OR1J2: variants seen among roughly 807,000 people sequenced by gnomAD.
OR1J2 encodes olfactory receptor 1J2.
For missense variants in OR1J2, 304 were observed against 246.1 expected (o/e 1.24, Z -1.57); for synonymous variants, 142 against 99.7 (o/e 1.42, Z -2.52).
the OR1J2 span, among the ~76,000 whole-genome samples, chr9:122,500,166 TG>T: frequency 6.6e-6 from 1 of 152,238 alleles, no homozygotes. Context: ...GGCATCCTGC[TG>T]TCAGTCCTGG....
the OR1J2 span, among the ~76,000 whole-genome samples, chr9:122,565,560 G>A: frequency 6.6e-5 from 10 of 152,282 alleles, no homozygotes; most frequent in African/African-American, 2.2e-4. Context: ...AGAGACCAAC[G>A]CTGAGCCCCC....
the OR1J2 span, among the ~76,000 whole-genome samples, chr9:122,529,784 G>A: frequency 1.5e-3 from 221 of 152,092 alleles, 1 homozygote; most frequent in African/African-American, 5.1e-3. Flanking sequence ...CTGCCTCTTC[G>A]TCTACTGTGT....
the OR1J2 span, among the ~76,000 whole-genome samples, chr9:122,482,499 C>T: frequency 4.4e-3 from 671 of 152,224 alleles, 2 homozygotes; most frequent in Non-Finnish European, 7.0e-3. Context: ...CCATATGATC[C>T]AGCAATCTCA....
chr9:122,489,578 A>G, the OR1J2 span, among the ~76,000 whole-genome samples: 1 of 152,310 alleles, frequency 6.6e-6, no homozygotes, highest in East Asian at 1.9e-4. Context: ...GAACACAAAA[A>G]GATCAACTTG....
At chr9:122,551,501 T>A in the OR1J2 span, among the ~76,000 whole-genome samples, 1 of 152,216 alleles carries the variant, frequency 6.6e-6, no homozygotes, top group Non-Finnish European at 1.5e-5. Flanking sequence ...TTTATACTCC[T>A]GATTTCTTCT....
chr9:122,469,963 A>T, the OR1J2 span, among the ~76,000 whole-genome samples: 4 of 152,208 alleles, frequency 2.6e-5, no homozygotes, highest in East Asian at 7.7e-4. Context: ...TTCTAAAGGC[A>T]TTCAGTTTTA....
the OR1J2 span, among the ~76,000 whole-genome samples, chr9:122,470,825 C>A: frequency 6.6e-6 from 1 of 152,224 alleles, no homozygotes. Context: ...GATCATCTTG[C>A]AGCTTTAAGA....
chr9:122,447,984 G>A, the OR1J2 span, among the ~76,000 whole-genome samples: 1 of 152,172 alleles, frequency 6.6e-6, no homozygotes. Flanking sequence ...TGGGATGAGA[G>A]ACTGAGAAAA....
the OR1J2 span, chr9:122,519,984 A>G: frequency 1.2e-6 from 2 of 1,613,966 alleles, no homozygotes; most frequent in Non-Finnish European, 1.7e-6. Flanking sequence ...CACGGTGATC[A>G]CCCCATTGCT....
the OR1J2 span, among the ~76,000 whole-genome samples, chr9:122,533,306 G>C: frequency 6.6e-6 from 1 of 152,136 alleles, no homozygotes; most frequent in African/African-American, 2.4e-5. Flanking sequence ...GAGTTTATAG[G>C]CTTTAAAAGG....
downstream of OR1J2, among the ~76,000 whole-genome samples, chr9:122,512,076 T>G (rs887617047): frequency 3.3e-5 from 5 of 152,228 alleles, no homozygotes; most frequent in African/African-American, 1.2e-4. Flanking sequence ...ATCCCAGGCT[T>G]TAACACAACA....
At chr9:122,464,422 T>C in the OR1J2 span, among the ~76,000 whole-genome samples, 2 of 152,206 alleles carry the variant, frequency 1.3e-5, no homozygotes. Context: ...TCACAGTTCC[T>C]CAGTTGTCCC....
the OR1J2 span, chr9:122,568,389 A>G: frequency 1.9e-6 from 3 of 1,613,816 alleles, no homozygotes; most frequent in Non-Finnish European, 2.5e-6. Flanking sequence ...GAGGAAGAGA[A>G]CAAAGAGTGT....
At chr9:122,453,731 C>T in the OR1J2 span, among the ~76,000 whole-genome samples, 162 of 152,296 alleles carry the variant, frequency 1.1e-3, no homozygotes, top group African/African-American at 3.6e-3. Flanking sequence ...GAATGCCTGC[C>T]TGTATTGTTT....
chr9:122,510,722 A>T, upstream of OR1J2: 1 of 853,512 alleles, frequency 1.2e-6, no homozygotes, highest in Non-Finnish European at 1.9e-6. Context: ...TACATCTTTT[A>T]ATATGACTGC....
At chr9:122,564,858 C>T in the OR1J2 span, among the ~76,000 whole-genome samples, 2 of 152,326 alleles carry the variant, frequency 1.3e-5, no homozygotes, top group South Asian at 4.1e-4. Context: ...ATCAATTCTG[C>T]AGCCCCATGT....
the OR1J2 span, among the ~76,000 whole-genome samples, chr9:122,502,278 G>A: frequency 6.6e-6 from 1 of 152,034 alleles, no homozygotes; most frequent in Non-Finnish European, 1.5e-5. Context: ...ACAGATTCTT[G>A]CAGATGGTGG....
chr9:122,505,457 C>A, the OR1J2 span, among the ~76,000 whole-genome samples: 1 of 152,148 alleles, frequency 6.6e-6, no homozygotes, highest in Non-Finnish European at 1.5e-5. Flanking sequence ...TTCATAAGGG[C>A]AGAGCCCTCA....
At chr9:122,534,955 A>G in the OR1J2 span, among the ~76,000 whole-genome samples, 68 of 152,294 alleles carry the variant, frequency 4.5e-4, no homozygotes, top group African/African-American at 1.5e-3. Flanking sequence ...ATTGGGGTCA[A>G]GCGGCATTGT....
Sources: allele counts gnomAD v4.1 joint callset (sites outside exome capture counted in the v4.1 genomes callset), GRCh38; gene constraint gnomAD v4.1.1; transcripts MANE v1.5; gene names NCBI Gene and HGNC (gene_info 2026-07-23, HGNC 2026-07-21).